The following ADGRL3 variants were observed in gnomAD, a reference collection of about 807,000 sequenced individuals.
ADGRL3 encodes the protein adhesion G protein-coupled receptor L3, also known as calcium-independent alpha-latrotoxin receptor 3.
Under a neutral mutation model 153.5 loss-of-function variants are expected in ADGRL3, and 62 were observed. The observed-to-expected ratio is 0.40, with a 90% CI of 0.33 to 0.50. ADGRL3 has a LOEUF of 0.50. Ranked by LOEUF, ADGRL3 falls within the 20% of genes least tolerant of loss-of-function variation. ADGRL3 has a pLI of 0.47. For synonymous variants in ADGRL3, 710 were observed against 672.5 expected (o/e 1.06, Z -0.86); for missense variants, 1,641 against 1,859.4 (o/e 0.88, Z 2.16).
chr4:62,061,335 G>A (rs1740039213), intron 25 of ADGRL3, among the ~76,000 whole-genome samples: 1 of 151,786 alleles, frequency 6.6e-6, no homozygotes. Flanking sequence ...ATAATACCGA[G>A]AAATATTGTA....
chr4:61,830,930 C>T (rs2097861082), intron 9 of ADGRL3, among the ~76,000 whole-genome samples: 1 of 151,914 alleles, frequency 6.6e-6, no homozygotes, highest in Non-Finnish European at 1.5e-5. Flanking sequence ...TGCTGTGTGC[C>T]CAGGCTGGAG....
rs1236010163 is a variant in ADGRL3, at chr4:61,934,845, G to A, written c.2118G>A (p.Met706Ile). The A allele has an allele frequency of 6.2e-7, 1 of 1,613,032 alleles. No individual in the cohort carries two copies. Among genetic ancestry groups the A allele is most frequent in the Non-Finnish European group, 8.5e-7 (1 of 1,179,504 alleles). Reference protein sequence around the residue: ...ERSCRAYVQAMVETVNNLLQP... With the variant: ...ERSCRAYVQAIVETVNNLLQP... ...TTCTTTTCATCCTCTTGTAGGCAAT[G>A]GTCGAGACAGTTAACAACCTCCTTC... Residue 706 changes from methionine (M) to isoleucine (I), a missense_variant, in exon 14 of 27, where the codon ATG (methionine) becomes ATA (isoleucine). Physicochemically the swap from Met to Ile is conservative, Grantham distance 10 (BLOSUM62 1). This residue lies in a region of ADGRL3 where 734 missense variants were observed against 797.0 expected (regional missense o/e 0.92). Coordinates refer to ENST00000683033, the MANE Select transcript of ADGRL3 (RefSeq NM_001387552.1).
chr4:61,782,366 T>A (rs1270462245), intron 8 of ADGRL3, among the ~76,000 whole-genome samples: 1 of 152,168 alleles, frequency 6.6e-6, no homozygotes, highest in African/African-American at 2.4e-5. Context: ...ATTTAAAAAA[T>A]TTTATGACGG....
intron 17 of ADGRL3, among the ~76,000 whole-genome samples, chr4:61,949,932 C>A (rs1006116990): frequency 6.6e-6 from 1 of 152,034 alleles, no homozygotes; most frequent in African/African-American, 2.4e-5. Context: ...ATTATAATAT[C>A]TCTGCTATAA....
intron 8 of ADGRL3, among the ~76,000 whole-genome samples, chr4:61,806,107 A>C (rs2097549752): frequency 6.6e-6 from 1 of 152,182 alleles, no homozygotes; most frequent in African/African-American, 2.4e-5. Flanking sequence ...ACGATGTCTA[A>C]GAGATTCTGG....
chr4:61,819,216 G>A (rs948406665), intron 9 of ADGRL3, among the ~76,000 whole-genome samples: 7 of 152,052 alleles, frequency 4.6e-5, no homozygotes, highest in Admixed American at 6.6e-5. Context: ...GGAAGAGAGC[G>A]AGTTTCTCTT....
intron 2 of ADGRL3, among the ~76,000 whole-genome samples, chr4:61,467,476 G>C (rs529851603): frequency 5.9e-5 from 9 of 151,336 alleles, no homozygotes; most frequent in African/African-American, 1.7e-4. Flanking sequence ...TCAGATGTGG[G>C]TGTGTGTGTG....
chr4:61,961,297 G>A (rs971342180), intron 17 of ADGRL3, among the ~76,000 whole-genome samples: 20 of 152,036 alleles, frequency 1.3e-4, no homozygotes, highest in African/African-American at 9.7e-5. Context: ...TGCAAACACC[G>A]ATCTTTTAAT....
chr4:61,477,368 TACACACACAC>T (rs5858703), intron 2 of ADGRL3, among the ~76,000 whole-genome samples: 4 of 150,196 alleles, frequency 2.7e-5, no homozygotes, highest in Admixed American at 1.3e-4. Flanking sequence ...ATAGTGATGT[TACACACACAC>T]ACACACACAC....
intron 21 of ADGRL3, among the ~76,000 whole-genome samples, chr4:62,010,966 A>C (rs1449555889): frequency 1.3e-5 from 2 of 152,146 alleles, no homozygotes; most frequent in Non-Finnish European, 2.9e-5. Flanking sequence ...AATGATATTT[A>C]GTTTCAACTT....
intron 1 of ADGRL3, among the ~76,000 whole-genome samples, chr4:61,368,972 T>G (rs1348803821): frequency 1.3e-5 from 2 of 152,200 alleles, no homozygotes; most frequent in Non-Finnish European, 2.9e-5. Context: ...TTCCTAGGTA[T>G]TTTATTCTCT....
At chr4:61,377,044 C>T (rs1348419846) in intron 1 of ADGRL3, among the ~76,000 whole-genome samples, 2 of 152,100 alleles carry the variant, frequency 1.3e-5, no homozygotes, top group Non-Finnish European at 2.9e-5. Context: ...TTTACACTGC[C>T]CTATTCCTAG....
rs538483949 is a variant in ADGRL3 at position 61,495,629 on chromosome 4, G to A, written c.-173-1492G>A. On this transcript the variant is annotated intron_variant, in intron 2 of 26. Coordinates refer to ENST00000683033, the MANE Select transcript of ADGRL3 (RefSeq NM_001387552.1). ...ATGGTGTCTTCAGGATTTGGATTATGTTTCTTTAGTATTTTGGTTTCCTAA... is the reference window on the plus strand; with the variant it reads ...ATGGTGTCTTCAGGATTTGGATTATATTTCTTTAGTATTTTGGTTTCCTAA... Among the ~76,000 whole-genome samples, 3 of 152,204 alleles carry A rather than the reference G, an allele frequency of 2.0e-5. No individual in the cohort carries two copies. The East Asian group carries it at 5.8e-4, about 29-fold the overall frequency.
intron 2 of ADGRL3, among the ~76,000 whole-genome samples, chr4:61,403,218 GTGGCAAA>G (rs1441666865): frequency 6.6e-6 from 1 of 152,050 alleles, no homozygotes; most frequent in Non-Finnish European, 1.5e-5. Flanking sequence ...AATCTCTGAA[GTGGCAAA>G]TGTCTTTTTG....
At chr4:61,498,212 G>C (rs1179509869) in intron 3 of ADGRL3, among the ~76,000 whole-genome samples, 5 of 151,970 alleles carry the variant, frequency 3.3e-5, no homozygotes, top group Non-Finnish European at 7.4e-5. Context: ...AAGGGAAATT[G>C]TTTTGGTACT....
At chr4:61,249,294 C>T (rs1758284905) in intron 1 of ADGRL3, among the ~76,000 whole-genome samples, 2 of 152,122 alleles carry the variant, frequency 1.3e-5, no homozygotes, top group African/African-American at 2.4e-5. Context: ...CAGTGTTTAT[C>T]AGAAAACCCA....
intron 9 of ADGRL3, among the ~76,000 whole-genome samples, chr4:61,844,408 A>C (rs2098081931): frequency 6.7e-6 from 1 of 150,230 alleles, no homozygotes; most frequent in Non-Finnish European, 1.5e-5. Flanking sequence ...TTAGCTAGGC[A>C]TGGTGGTGGA....
intron 4 of ADGRL3, among the ~76,000 whole-genome samples, chr4:61,555,341 A>G (rs890240105): frequency 7.2e-5 from 11 of 152,216 alleles, no homozygotes; most frequent in African/African-American, 1.4e-4. Flanking sequence ...TTACCTTATT[A>G]TATACCTTAG....
At chr4:61,747,552 T>C (rs1262253348) in intron 8 of ADGRL3, among the ~76,000 whole-genome samples, 2 of 145,786 alleles carry the variant, frequency 1.4e-5, no homozygotes, top group African/African-American at 5.2e-5. Flanking sequence ...GCTGGTTCAA[T>C]ATATGCAAAT....
Sources: gnomAD v4.1 joint callset for allele counts (sites outside exome capture counted in the v4.1 genomes callset) on GRCh38, gnomAD v4.1.1 for gene constraint, gnomAD v4.1.1 regional missense constraint, MANE v1.5 for transcripts, NCBI Gene and HGNC (gene_info 2026-07-23, HGNC 2026-07-21) for gene names.